UNC5C: variants seen among roughly 807,000 people sequenced by gnomAD.
UNC5C encodes the protein unc-5 netrin receptor C.
UNC5C carries 47 observed loss-of-function variants against 99.8 expected under a neutral mutation model. The observed-to-expected ratio is 0.47, with a 90% CI of 0.37 to 0.60. The LOEUF (loss-of-function observed/expected upper bound fraction) is 0.60, where lower values mean the gene tolerates loss of function less well. UNC5C is among the 20% of genes least tolerant of loss of function. The pLI, the probability that UNC5C is intolerant of heterozygous loss-of-function variation, is 0.00. For missense variants in UNC5C, 1,062 were observed against 1,165.9 expected (o/e 0.91, Z 1.30); for synonymous variants, 487 against 452.2 (o/e 1.08, Z -0.98).
intron 1 of UNC5C, among the ~76,000 whole-genome samples, chr4:95,503,535 A>G (rs1202106092): frequency 6.6e-6 from 1 of 152,162 alleles, no homozygotes; most frequent in Non-Finnish European, 1.5e-5. Flanking sequence ...GTCATTTGAC[A>G]TAATTTTCTA....
intron 1 of UNC5C, among the ~76,000 whole-genome samples, chr4:95,538,641 A>G (rs1295019709): frequency 6.6e-6 from 1 of 152,208 alleles, no homozygotes; most frequent in East Asian, 1.9e-4. Flanking sequence ...GAAAACATTC[A>G]AAACAGTTTG....
At chr4:95,462,615 A>G (rs750993695) in intron 1 of UNC5C, among the ~76,000 whole-genome samples, 1 of 152,244 alleles carries the variant, frequency 6.6e-6, no homozygotes, top group Non-Finnish European at 1.5e-5. Flanking sequence ...TCTGAATGAA[A>G]TAAGACTTAA....
At chr4:95,241,098 G>GAA (rs992626266) in intron 7 of UNC5C, among the ~76,000 whole-genome samples, 19 of 152,084 alleles carry the variant, frequency 1.2e-4, no homozygotes, top group Non-Finnish European at 5.9e-5. Flanking sequence ...ACTAAGTGAT[G>GAA]AAAATGTTAA....
intron 1 of UNC5C, among the ~76,000 whole-genome samples, chr4:95,533,624 T>C (rs1545919): frequency 0.29 from 44,020 of 151,946 alleles, 7,336 homozygotes; most frequent in African/African-American, 0.44. Flanking sequence ...GCTCTCTGAA[T>C]TGCTCTTCTA....
intron 1 of UNC5C, among the ~76,000 whole-genome samples, chr4:95,366,415 C>T (rs1268902587): frequency 2.0e-5 from 3 of 152,188 alleles, no homozygotes; most frequent in African/African-American, 7.2e-5. Flanking sequence ...TTCTTTTATC[C>T]TAAACTTCTT....
rs371468740 is a variant in UNC5C, at chr4:95,328,946, C to T, written c.346+6464G>A. Reference sequence around the variant, plus strand: ...GCACCCCCTCACCTGCATGCTCCCCCTCTCGAAAGCTGTTTGAGTGTGGCT... The same window carrying T: ...GCACCCCCTCACCTGCATGCTCCCCTTCTCGAAAGCTGTTTGAGTGTGGCT... On this transcript the variant is annotated intron_variant, in intron 2 of 15. Transcript: ENST00000453304. Among the ~76,000 whole-genome samples, 57 of 152,270 alleles carry T rather than the reference C, an allele frequency of 3.7e-4. No homozygotes were observed. The Middle Eastern group carries it at 0.01, about 27-fold the overall frequency.
intron 4 of UNC5C, among the ~76,000 whole-genome samples, chr4:95,261,022 A>C (rs975412557): frequency 4.5e-4 from 68 of 152,114 alleles, no homozygotes; most frequent in African/African-American, 1.6e-3. Context: ...AGGAGCAGAG[A>C]TCCAAATTCA....
At chr4:95,406,723 A>C (rs1560821644) in intron 1 of UNC5C, among the ~76,000 whole-genome samples, 1 of 152,208 alleles carries the variant, frequency 6.6e-6, no homozygotes, top group Non-Finnish European at 1.5e-5. Flanking sequence ...TTTATAGAGC[A>C]AATCAAAGAC....
intron 3 of UNC5C, among the ~76,000 whole-genome samples, chr4:95,286,338 A>G (rs1741234646): frequency 6.6e-6 from 1 of 152,222 alleles, no homozygotes; most frequent in South Asian, 2.1e-4. Context: ...GGGAATCTAC[A>G]GTTTTAACAA....
intron 1 of UNC5C, among the ~76,000 whole-genome samples, chr4:95,463,759 T>C (rs1314824203): frequency 1.3e-5 from 2 of 152,204 alleles, no homozygotes; most frequent in African/African-American, 2.4e-5. Flanking sequence ...ATTTATTCAA[T>C]AGAACTGTTG....
intron 1 of UNC5C, among the ~76,000 whole-genome samples, chr4:95,405,997 C>A (rs1023625306): frequency 6.6e-6 from 1 of 152,078 alleles, no homozygotes; most frequent in Admixed American, 6.5e-5. Flanking sequence ...TACTTAGATT[C>A]TTTTGCTTGC....
At chr4:95,169,445 ATCTATTTT>A (rs879486368) in intron 15 of UNC5C, 46 bp from the exon 16 acceptor site, 2 of 1,595,666 alleles carry the variant, frequency 1.3e-6, no homozygotes, top group Non-Finnish European at 1.7e-6. Context: ...TGACTTACAT[ATCTATTTT>A]TCCTCAGCTA....
chr4:95,529,557 C>A (rs1722587816), intron 1 of UNC5C, among the ~76,000 whole-genome samples: 1 of 151,650 alleles, frequency 6.6e-6, no homozygotes, highest in Non-Finnish European at 1.5e-5. Context: ...AAAACCCCAT[C>A]TCTACAAAAA....
chr4:95,413,315 C>T (rs1746053434), intron 1 of UNC5C, among the ~76,000 whole-genome samples: 1 of 152,186 alleles, frequency 6.6e-6, no homozygotes, highest in South Asian at 2.1e-4. Flanking sequence ...TCCTAGCTCT[C>T]TGGAGATGCC....
chr4:95,280,829 A>G (rs1741030311), intron 3 of UNC5C, among the ~76,000 whole-genome samples: 1 of 152,198 alleles, frequency 6.6e-6, no homozygotes, highest in South Asian at 2.1e-4. Flanking sequence ...CAGCATAATA[A>G]TCAATGGCTG....
Position 95,229,754 on chromosome 4 carries a change from A to G in UNC5C, c.1109-9578T>C, listed in dbSNP as rs191238775. ...TTTACACTCCCACCAACAGTATAAA[A>G]GCATTCCTATTTCTCCATATCCTCC... On this transcript the variant is annotated intron_variant, in intron 7 of 15. Coordinates refer to ENST00000453304, the MANE Select transcript of UNC5C (RefSeq NM_003728.4). Among the ~76,000 whole-genome samples, 192 of 150,426 alleles carry G rather than the reference A, an allele frequency of 1.3e-3. 1 individual carries two copies. The highest frequency in any genetic ancestry group is 4.3e-3 in the African/African-American group (176 of 40,788).
chr4:95,474,754 C>G lies in UNC5C; in HGVS notation c.124+73980G>C, dbSNP rs144097130. Among the ~76,000 whole-genome samples, 394 of 152,128 alleles carry G rather than the reference C, an allele frequency of 2.6e-3. 1 individual carries two copies. The highest frequency in any genetic ancestry group is 4.6e-3 in the Non-Finnish European group (315 of 67,976). On this transcript the variant is annotated intron_variant, in intron 1 of 15. Coordinates refer to ENST00000453304, the MANE Select transcript of UNC5C (RefSeq NM_003728.4). ...CATGCATGCATTATAATGTAGAGCT[C>G]TTTGAATTTTACAAATTGTAACCAT...
chr4:95,206,035 C>G (rs917941334), intron 11 of UNC5C, among the ~76,000 whole-genome samples: 1 of 148,756 alleles, frequency 6.7e-6, no homozygotes, highest in African/African-American at 2.5e-5. Flanking sequence ...GAATCTTACT[C>G]TGTTGCCCAA....
At chr4:95,438,455 A>G (rs1425923276) in intron 1 of UNC5C, among the ~76,000 whole-genome samples, 4 of 147,932 alleles carry the variant, frequency 2.7e-5, no homozygotes, top group African/African-American at 7.4e-5. Flanking sequence ...ATATCATATA[A>G]ATAAAATGAA....
Sources: allele counts gnomAD v4.1 joint callset (sites outside exome capture counted in the v4.1 genomes callset), GRCh38; gene constraint gnomAD v4.1.1; transcripts MANE v1.5; gene names NCBI Gene and HGNC (gene_info 2026-07-23, HGNC 2026-07-21).